FHIT: variants seen among roughly 807,000 people sequenced by gnomAD.
The protein encoded by FHIT is fragile histidine triad diadenosine triphosphatase.
A neutral mutation model predicts 17.9 loss-of-function variants in FHIT; 19 were observed. The ratio of observed to expected loss-of-function variants is 1.06; its 90% CI spans 0.74 to 1.56. FHIT has a LOEUF of 1.56. Ranked by LOEUF, FHIT falls within the 40% of genes most tolerant of loss-of-function variation. FHIT has a pLI of 0.00. For synonymous variants in FHIT, 81 were observed against 69.7 expected, an observed-to-expected ratio of 1.16 and a Z score of -0.81; for missense variants, 248 against 189.2, an observed-to-expected ratio of 1.31 and a Z score of -1.82.
Position 60,873,031 on chromosome 3 carries a change from G to C in FHIT, c.-110-51020C>G, listed in dbSNP as rs926087329. Among the ~76,000 whole-genome samples, 4 of 152,100 alleles carry C rather than the reference G, an allele frequency of 2.6e-5. No homozygotes were observed. In the East Asian group the frequency reaches 7.7e-4, roughly 29 times the overall value. Reference sequence around the variant, plus strand: ...TTGCGTTCTTAGATTTGATCTTCAAGGTCTCTGAATGATGAAAAAACTTGT... The same window carrying C: ...TTGCGTTCTTAGATTTGATCTTCAACGTCTCTGAATGATGAAAAAACTTGT... On this transcript the variant is annotated intron_variant, in intron 3 of 9. Coordinates refer to ENST00000492590, the MANE Select transcript of FHIT (RefSeq NM_002012.4).
chr3:60,339,144 G>A lies in FHIT; in HGVS notation c.103+197716C>T, dbSNP rs193167035. Among the ~76,000 whole-genome samples the A allele has an allele frequency of 1.8e-3, 277 of 152,254 alleles. 2 individuals are homozygous for A. Among genetic ancestry groups the A allele is most frequent in the African/African-American group, 6.2e-3 (256 of 41,560 alleles). On this transcript the variant is annotated intron_variant, in intron 5 of 9. Coordinates refer to ENST00000492590, the MANE Select transcript of FHIT (RefSeq NM_002012.4). ...TAAGTATGTATGCACATATGCATAT[G>A]TGTGTTTATATATAAAATGAGTGAT...
At chr3:60,477,840 C>G (rs1342095998) in intron 5 of FHIT, among the ~76,000 whole-genome samples, 1 of 151,974 alleles carries the variant, frequency 6.6e-6, no homozygotes, top group African/African-American at 2.4e-5. Context: ...ATGATTTTAC[C>G]CAAACTTCTC....
intron 2 of FHIT, among the ~76,000 whole-genome samples, chr3:61,100,480 T>C: frequency 6.6e-6 from 1 of 152,186 alleles, no homozygotes; most frequent in Non-Finnish European, 1.5e-5. Flanking sequence ...TTTGGGTTGG[T>C]TCGAAGTCTT....
chr3:60,502,577 A>G (rs962214036), intron 5 of FHIT, among the ~76,000 whole-genome samples: 1 of 152,234 alleles, frequency 6.6e-6, no homozygotes, highest in Non-Finnish European at 1.5e-5. Flanking sequence ...GCTTAGCACA[A>G]TAATGTCAGG....
chr3:60,340,045 T>C (rs903283666), intron 5 of FHIT, among the ~76,000 whole-genome samples: 1 of 152,202 alleles, frequency 6.6e-6, no homozygotes, highest in African/African-American at 2.4e-5. Flanking sequence ...CAGGTTCTTC[T>C]GCCTCAAAAT....
At chr3:60,126,803 G>C (rs59481751) in intron 5 of FHIT, among the ~76,000 whole-genome samples, 66,475 of 151,796 alleles carry the variant, frequency 0.44, 14,855 homozygotes, top group African/African-American at 0.48. Context: ...CAGATCTGGG[G>C]ATTTTCAGAA....
At chr3:60,918,667 G>A (rs1326229709) in intron 3 of FHIT, among the ~76,000 whole-genome samples, 3 of 152,124 alleles carry the variant, frequency 2.0e-5, no homozygotes, top group Admixed American at 6.6e-5. Context: ...CACAGCAGGG[G>A]CAGACACATA....
At chr3:61,112,609 A>G (rs1381891327) in intron 2 of FHIT, among the ~76,000 whole-genome samples, 3 of 152,134 alleles carry the variant, frequency 2.0e-5, no homozygotes, top group Non-Finnish European at 4.4e-5. Flanking sequence ...AGCAGTTCCT[A>G]ATTGAGTAGG....
chr3:60,306,558 TC>T (rs1359574300), intron 5 of FHIT, among the ~76,000 whole-genome samples: 4 of 152,136 alleles, frequency 2.6e-5, no homozygotes, highest in African/African-American at 9.7e-5. Context: ...GAGAGGCTCC[TC>T]AATTCCTTTT....
intron 2 of FHIT, among the ~76,000 whole-genome samples, chr3:61,057,128 C>T (rs1457122190): frequency 6.6e-6 from 1 of 152,148 alleles, no homozygotes; most frequent in Non-Finnish European, 1.5e-5. Context: ...ATTGATGTTT[C>T]CAGAGATGAT....
intron 5 of FHIT, among the ~76,000 whole-genome samples, chr3:60,069,343 G>A (rs954946452): frequency 6.6e-6 from 1 of 152,114 alleles, no homozygotes; most frequent in African/African-American, 2.4e-5. Context: ...GTAAATTACA[G>A]GTTATGTATA....
chr3:60,045,859 A>G (rs1281059089), intron 5 of FHIT, among the ~76,000 whole-genome samples: 2 of 152,204 alleles, frequency 1.3e-5, no homozygotes, highest in Non-Finnish European at 2.9e-5. Flanking sequence ...GCACGCTTGG[A>G]AAGGCATGGT....
At chr3:60,413,538 A>T (rs1702140131) in intron 5 of FHIT, among the ~76,000 whole-genome samples, 1 of 152,184 alleles carries the variant, frequency 6.6e-6, no homozygotes, top group African/African-American at 2.4e-5. Flanking sequence ...TTTCTCAATA[A>T]GTGCATGTTA....
At chr3:60,242,286 ATTTG>A (rs200930909) in intron 5 of FHIT, among the ~76,000 whole-genome samples, 2,269 of 152,172 alleles carry the variant, frequency 0.015, 20 homozygotes, top group Middle Eastern at 0.051. Flanking sequence ...TTCAGAGGAA[ATTTG>A]TTTAAAATCC....
At position 60,098,016 on chromosome 3, in the gene FHIT, T is replaced by C. The variant is rs184006214; in HGVS notation, c.104-83864A>G. On this transcript the variant is annotated intron_variant, in intron 5 of 9. Transcript: ENST00000492590. Reference sequence around the variant, plus strand: ...TTGCTGAGAATGATGGTTTCCAGTTTCATCCATGTCCCTGCAAAGGACATG... The same window carrying C: ...TTGCTGAGAATGATGGTTTCCAGTTCCATCCATGTCCCTGCAAAGGACATG... Among the ~76,000 whole-genome samples, 236 of 152,112 alleles carry C rather than the reference T, an allele frequency of 1.6e-3. 3 individuals are homozygous for C. In the Middle Eastern group the frequency reaches 0.051, roughly 33 times the overall value.
Position 60,592,971 on chromosome 3 carries a change from T to C in FHIT, c.-17-55992A>G, listed in dbSNP as rs1272979130. Among the ~76,000 whole-genome samples, 3 of 152,200 alleles carry C rather than the reference T, an allele frequency of 2.0e-5. No homozygotes were observed. In the East Asian group the frequency reaches 5.8e-4, roughly 30 times the overall value. The stretch of plus-strand genomic sequence containing the variant: ...AAGGTCCCAGTGGCTGTGCCTGGCT[T>C]GAAAGAAGTCAACAGCAGCAATAGC... On this transcript the variant is annotated intron_variant, in intron 4 of 9. Transcript: ENST00000492590.
At chr3:59,971,676 C>G (rs1708190360) in intron 7 of FHIT, among the ~76,000 whole-genome samples, 1 of 152,106 alleles carries the variant, frequency 6.6e-6, no homozygotes, top group Non-Finnish European at 1.5e-5. Flanking sequence ...GAAGTTTAGA[C>G]AGAGTCTTTG....
At chr3:60,286,068 T>C (rs979250259) in intron 5 of FHIT, among the ~76,000 whole-genome samples, 1 of 152,100 alleles carries the variant, frequency 6.6e-6, no homozygotes, top group Non-Finnish European at 1.5e-5. Context: ...CACACCAACA[T>C]GCATGAGGTG....
chr3:60,374,719 C>G (rs904586836), intron 5 of FHIT, among the ~76,000 whole-genome samples: 3 of 151,726 alleles, frequency 2.0e-5, no homozygotes, highest in Non-Finnish European at 4.4e-5. Flanking sequence ...CTGTGCAGCC[C>G]GAAGTCAAGA....
Sources: allele counts gnomAD v4.1 joint callset (sites outside exome capture counted in the v4.1 genomes callset), GRCh38; gene constraint gnomAD v4.1.1; transcripts MANE v1.5; gene names NCBI Gene and HGNC (gene_info 2026-07-23, HGNC 2026-07-21).